SAMD3: variants seen among roughly 807,000 people sequenced by gnomAD.
SAMD3 encodes the protein sterile alpha motif domain containing 3.
SAMD3 carries 63 observed loss-of-function variants against 58.5 expected under a neutral mutation model. The observed-to-expected ratio is 1.08, with a 90% CI of 0.88 to 1.33. The LOEUF is 1.33. SAMD3 is among the 40% of genes most tolerant of loss of function. The pLI is 0.00. For synonymous variants in SAMD3, 220 were observed against 210.3 expected, an observed-to-expected ratio of 1.05 and a Z score of -0.40; for missense variants, 604 against 608.4, an observed-to-expected ratio of 0.99 and a Z score of 0.08.
chr6:130,324,504 A>C (rs910750620), intron 1 of SAMD3, among the ~76,000 whole-genome samples: 5 of 152,218 alleles, frequency 3.3e-5, no homozygotes, highest in Admixed American at 2.6e-4. Flanking sequence ...TTACCATCAA[A>C]ATATAAAGTT....
At chr6:130,155,742 A>G (rs927340937) in intron 8 of SAMD3, among the ~76,000 whole-genome samples, 2 of 152,204 alleles carry the variant, frequency 1.3e-5, no homozygotes, top group African/African-American at 2.4e-5. Context: ...TAAAAGACGA[A>G]AAAGGTGATA....
At chr6:130,208,074 C>A (rs929422564) in intron 5 of SAMD3, among the ~76,000 whole-genome samples, 2 of 152,244 alleles carry the variant, frequency 1.3e-5, no homozygotes, top group South Asian at 4.1e-4. Flanking sequence ...AATCCTTTGA[C>A]TGCTCTAAAT....
At chr6:130,305,864 A>G (rs1385215205) in intron 2 of SAMD3, among the ~76,000 whole-genome samples, 1 of 152,250 alleles carries the variant, frequency 6.6e-6, no homozygotes, top group Non-Finnish European at 1.5e-5. Flanking sequence ...ACAAAACACC[A>G]TAAACTGCAT....
intron 8 of SAMD3, 155 bp downstream of exon 8, chr6:130,175,684 AGC>A: frequency 2.1e-6 from 1 of 471,106 alleles, no homozygotes; most frequent in Non-Finnish European, 3.7e-6. Flanking sequence ...GCTCATTGTT[AGC>A]CAGGCAAAAC....
intron 2 of SAMD3, among the ~76,000 whole-genome samples, chr6:130,269,494 C>T (rs185019420): frequency 7.5e-4 from 114 of 152,056 alleles, no homozygotes; most frequent in South Asian, 8.3e-4. Context: ...GTTGAATTTA[C>T]GAACATAAAG....
chr6:130,308,093 C>A (rs1046521463), intron 2 of SAMD3, among the ~76,000 whole-genome samples: 2 of 152,080 alleles, frequency 1.3e-5, no homozygotes, highest in Non-Finnish European at 2.9e-5. Flanking sequence ...CATTCTGATG[C>A]ACATTTGGCC....
At chr6:130,280,713 C>T (rs1362920878) in intron 2 of SAMD3, among the ~76,000 whole-genome samples, 2 of 152,186 alleles carry the variant, frequency 1.3e-5, no homozygotes, top group Non-Finnish European at 2.9e-5. Context: ...CATTACATTG[C>T]AGTCGTAAAC....
chr6:130,308,115 A>C (rs1162448192), intron 2 of SAMD3, among the ~76,000 whole-genome samples: 1 of 152,118 alleles, frequency 6.6e-6, no homozygotes, highest in Non-Finnish European at 1.5e-5. Flanking sequence ...CTCTGAACAA[A>C]CAAGCTTTTG....
intron 5 of SAMD3, among the ~76,000 whole-genome samples, chr6:130,206,232 G>T (rs892459354): frequency 2.0e-5 from 3 of 152,240 alleles, no homozygotes; most frequent in African/African-American, 7.2e-5. Flanking sequence ...GACAGAGTCA[G>T]TTGGCTGGGA....
intron 2 of SAMD3, among the ~76,000 whole-genome samples, chr6:130,262,551 G>A (rs1288287522): frequency 1.3e-5 from 2 of 150,116 alleles, no homozygotes; most frequent in Non-Finnish European, 2.9e-5. Context: ...CTCCCTTCAG[G>A]ACAGGATGAT....
At chr6:130,207,159 C>CAAAAAAAA (rs376844642) in intron 5 of SAMD3, among the ~76,000 whole-genome samples, 1,334 of 52,570 alleles carry the variant, frequency 0.025, 6 homozygotes, top group South Asian at 0.047. Context: ...CCCATCTCAT[C>CAAAAAAAA]AAAAAAAAAA....
intron 2 of SAMD3, among the ~76,000 whole-genome samples, chr6:130,239,888 T>C (rs1489294887): frequency 6.6e-6 from 1 of 152,198 alleles, no homozygotes; most frequent in African/African-American, 2.4e-5. Context: ...ACAAGCTAGT[T>C]GAGACCAGGG....
At chr6:130,188,378 T>C (rs1326553375) in intron 5 of SAMD3, among the ~76,000 whole-genome samples, 1 of 152,188 alleles carries the variant, frequency 6.6e-6, no homozygotes, top group Non-Finnish European at 1.5e-5. Context: ...ATCTCCAGTA[T>C]ATATAACATT....
intron 2 of SAMD3, among the ~76,000 whole-genome samples, chr6:130,239,171 T>C (rs1773269021): frequency 6.6e-6 from 1 of 152,152 alleles, no homozygotes; most frequent in African/African-American, 2.4e-5. Flanking sequence ...GGACTGACTC[T>C]CCTGAGGCTA....
At chr6:130,207,189 A>G (rs1203323512) in intron 5 of SAMD3, among the ~76,000 whole-genome samples, 2 of 150,124 alleles carry the variant, frequency 1.3e-5, no homozygotes, top group East Asian at 1.9e-4. Flanking sequence ...AAAGAAAAAG[A>G]AAAAAAAAGA....
chr6:130,269,798 C>A (rs1001147683), intron 2 of SAMD3, among the ~76,000 whole-genome samples: 6 of 151,762 alleles, frequency 4.0e-5, no homozygotes, highest in African/African-American at 9.7e-5. Context: ...ATTCAGGTAG[C>A]AACACTTACT....
intron 2 of SAMD3, among the ~76,000 whole-genome samples, chr6:130,293,980 A>G (rs965849186): frequency 1.3e-5 from 2 of 152,098 alleles, no homozygotes; most frequent in South Asian, 2.1e-4. Flanking sequence ...TTCAAGACTG[A>G]CCAGAAGAGG....
chr6:130,231,560 G>T (rs529931086), intron 2 of SAMD3, among the ~76,000 whole-genome samples: 2 of 149,454 alleles, frequency 1.3e-5, no homozygotes, highest in African/African-American at 4.9e-5. Flanking sequence ...GTGAAACTCC[G>T]TCTCAAAAAA....
chr6:130,269,950 T>C (rs1176515341), intron 2 of SAMD3, among the ~76,000 whole-genome samples: 5 of 152,116 alleles, frequency 3.3e-5, no homozygotes, highest in African/African-American at 1.2e-4. Flanking sequence ...AGTGTGTTGC[T>C]TAATTATCAA....
Sources: gnomAD v4.1 joint callset for allele counts (sites outside exome capture counted in the v4.1 genomes callset) on GRCh38, gnomAD v4.1.1 for gene constraint, MANE v1.5 for transcripts, NCBI Gene and HGNC (gene_info 2026-07-23, HGNC 2026-07-21) for gene names.